Variants in PDE6A observed in about 807,000 individuals in gnomAD.
PDE6A encodes the protein rod cGMP-specific 3',5'-cyclic phosphodiesterase subunit alpha.
Under a neutral mutation model 106.3 loss-of-function variants are expected in PDE6A, and 84 were observed. The observed-to-expected ratio is 0.79, with a 90% confidence interval of 0.66 to 0.95. The LOEUF (loss-of-function observed/expected upper bound fraction) is 0.95, where lower values mean the gene tolerates loss of function less well. Ranked by LOEUF, PDE6A falls within the 40% of genes least tolerant of loss-of-function variation. The pLI is 0.00. For missense variants in PDE6A, 1,052 were observed against 1,084.9 expected (o/e 0.97, Z 0.43); for synonymous variants, 394 against 386.6 (o/e 1.02, Z -0.23).
intron 4 of PDE6A, among the ~76,000 whole-genome samples, chr5:149,927,775 G>C (rs1753903114): frequency 6.6e-6 from 1 of 151,530 alleles, no homozygotes; most frequent in South Asian, 2.1e-4. Flanking sequence ...GCTTGAATCA[G>C]AACAAAAATA....
chr5:149,935,265 A>T lies in PDE6A; in HGVS notation c.475-547T>A, dbSNP rs369629846. On this transcript the variant is annotated intron_variant, in intron 1 of 21. Transcript: ENST00000255266. Reference sequence around the variant, plus strand: ...GTAGATTGTGTAGACTGTGTGTGTGAGTGTGTGTGTGTGTGTGTATGTGTA... The same window carrying T: ...GTAGATTGTGTAGACTGTGTGTGTGTGTGTGTGTGTGTGTGTGTATGTGTA... Among the ~76,000 whole-genome samples, 7 of 149,858 alleles carry T rather than the reference A, an allele frequency of 4.7e-5. 2 individuals carry two copies. The highest frequency in any genetic ancestry group is 2.0e-4 in the East Asian group (1 of 5,048).
At chr5:149,928,232 T>TATA (rs1554091941) in intron 4 of PDE6A, among the ~76,000 whole-genome samples, 2 of 11,354 alleles carry the variant, frequency 1.8e-4, no homozygotes, top group African/African-American at 6.8e-4. Flanking sequence ...TATATATATA[T>TATA]TTTTTTTTTT....
intron 17 of PDE6A, among the ~76,000 whole-genome samples, chr5:149,868,802 T>A (rs1760428442): frequency 6.6e-6 from 1 of 152,186 alleles, no homozygotes; most frequent in African/African-American, 2.4e-5. Flanking sequence ...CTCTCCTACC[T>A]CAAGAATCAC....
chr5:149,887,316 T>C (rs1752350204), intron 13 of PDE6A, among the ~76,000 whole-genome samples: 1 of 152,172 alleles, frequency 6.6e-6, no homozygotes, highest in Admixed American at 6.5e-5. Context: ...GGACGAATAC[T>C]GTATGATTTC....
At chr5:149,872,736 G>A (rs1343588187) in intron 17 of PDE6A, among the ~76,000 whole-genome samples, 2 of 152,202 alleles carry the variant, frequency 1.3e-5, no homozygotes, top group Non-Finnish European at 2.9e-5. Flanking sequence ...GGGTGTGCAG[G>A]CAAGGGCTGG....
chr5:149,866,247 T>A lies in PDE6A; in HGVS notation c.2281A>T (p.Met761Leu). 1.2e-6 allele frequency: 2 copies of A among 1,611,974 alleles called. No individual in the cohort carries two copies. Among genetic ancestry groups the A allele is most frequent in the African/African-American group, 2.7e-5 (2 of 75,020 alleles). ...TVLQQNPIPM[M>L]DRNKADELPK... ...AGTTCATCTGCTTTGTTTCTGTCCA[T>A]CATGGGCTGTCATGGGGGAGAAAGA... The change falls in exon 20 of 22, where the codon ATG becomes TTG. Residue 761 changes from methionine (M) to leucine (L), a missense_variant. Physicochemically the swap from Met to Leu is conservative, Grantham distance 15. Around this residue, in one of 3 missense-constraint regions of PDE6A, gnomAD observed 135 missense variants for 153.2 expected, o/e 0.88. Coordinates refer to ENST00000255266, the MANE Select transcript of PDE6A (RefSeq NM_000440.3).
intron 18 of PDE6A, 111 bp from the exon 19 acceptor site, chr5:149,867,910 C>T (rs1760390658): frequency 8.5e-7 from 1 of 1,172,238 alleles, no homozygotes; most frequent in Non-Finnish European, 1.3e-6. Context: ...AAACCCATCC[C>T]TGCCCTGCCA....
intron 6 of PDE6A, among the ~76,000 whole-genome samples, chr5:149,908,710 A>AT (rs1424804665): frequency 6.6e-6 from 1 of 151,348 alleles, no homozygotes; most frequent in Non-Finnish European, 1.5e-5. Flanking sequence ...ACTTTTACTC[A>AT]TTTTTGTTCC....
At chr5:149,865,055 C>G (rs780322462) in intron 20 of PDE6A, among the ~76,000 whole-genome samples, 2 of 152,052 alleles carry the variant, frequency 1.3e-5, no homozygotes, top group African/African-American at 2.4e-5. Flanking sequence ...TCCTGGCCAA[C>G]AAGGCAAAAC....
intron 5 of PDE6A, among the ~76,000 whole-genome samples, chr5:149,919,505 C>G (rs1193417220): frequency 1.3e-5 from 2 of 152,168 alleles, no homozygotes; most frequent in African/African-American, 4.8e-5. Context: ...GACAGTCCAT[C>G]TCAAAAAAAG....
intron 3 of PDE6A, among the ~76,000 whole-genome samples, chr5:149,931,371 G>A (rs1293208325): frequency 6.8e-6 from 1 of 147,248 alleles, no homozygotes; most frequent in African/African-American, 2.5e-5. Context: ...TTTTTGCTTT[G>A]GTTGACAGTT....
intron 3 of PDE6A, chr5:149,932,365 G>A (rs1754059454): frequency 7.1e-7 from 1 of 1,410,118 alleles, no homozygotes; most frequent in Non-Finnish European, 1.0e-6. Context: ...AGAAAATCTA[G>A]TGGTCTTTCA....
chr5:149,905,982 T>C (rs1395774004), intron 7 of PDE6A, among the ~76,000 whole-genome samples: 1 of 151,854 alleles, frequency 6.6e-6, no homozygotes, highest in Non-Finnish European at 1.5e-5. Context: ...CTCAGCCTCT[T>C]GAGTAGCTGG....
At position 149,921,707 on chromosome 5, in the gene PDE6A, T is replaced by C; in HGVS notation, c.861A>G (p.Glu287=). The change falls in exon 5 of 22, where the codon GAA becomes GAG. Residue 287 remains glutamate (E), a splice_region_variant and synonymous_variant. Transcript: ENST00000255266. ...VGLLDMTKQK[E]FFDVWPVLMG... is the part of the protein sequence containing the mutation. ...TCAGAACCGGCCACACATCAAAAAATTCCTAGGAATGAGAAAAACAATAAT... is the reference window on the plus strand; with the variant it reads ...TCAGAACCGGCCACACATCAAAAAACTCCTAGGAATGAGAAAAACAATAAT... The C allele has an allele frequency of 6.2e-7, 1 of 1,612,964 alleles. No individual in the cohort carries two copies. The highest frequency in any genetic ancestry group is 8.5e-7 in the Non-Finnish European group (1 of 1,179,058).
chr5:149,884,239 G>GATATATGTGTAT (rs1208223986), intron 16 of PDE6A, among the ~76,000 whole-genome samples: 1 of 137,578 alleles, frequency 7.3e-6, no homozygotes, highest in African/African-American at 2.7e-5. Flanking sequence ...TATATGTGTA[G>GATATATGTGTAT]ATATATGTGT....
intron 4 of PDE6A, among the ~76,000 whole-genome samples, chr5:149,928,962 A>T (rs533141422): frequency 6.6e-6 from 1 of 152,238 alleles, no homozygotes; most frequent in Non-Finnish European, 1.5e-5. Context: ...CCACATGCTC[A>T]CCAGAATGGC....
rs578087908 is a variant in PDE6A at position 149,858,178 on chromosome 5, C to T, written c.*2717G>A. On this transcript the variant is annotated 3_prime_UTR_variant, in exon 22 of 22. Transcript: ENST00000255266. The stretch of plus-strand genomic sequence containing the variant: ...ATATTAATTAGCTTAATTATGGTAA[C>T]CATTTCACAATGTATATCAAAACAT... 4.6e-5 allele frequency: 7 copies of T among 152,092 alleles called. No individual in the cohort carries two copies. The highest frequency in any genetic ancestry group is 1.0e-4 in the Non-Finnish European group (7 of 68,012). The allele number at this position is 152,092 out of a possible 1,614,324, so 9.4% of individuals were successfully genotyped here. A position where few individuals can be genotyped will look rare whatever the true frequency, so the allele number is the denominator to read the frequency against.
At chr5:149,868,059 G>A in intron 18 of PDE6A, 36 bp downstream of exon 18, 1 of 1,600,312 alleles carries the variant, frequency 6.2e-7, no homozygotes, top group Non-Finnish European at 8.6e-7. Context: ...CCCAGTACTG[G>A]GATGCCCCTC....
intron 17 of PDE6A, among the ~76,000 whole-genome samples, chr5:149,875,552 C>T (rs947821030): frequency 2.0e-5 from 3 of 150,526 alleles, no homozygotes; most frequent in Non-Finnish European, 4.4e-5. Flanking sequence ...TGTAGTGGCA[C>T]CGTCAGGGCT....
Sources: allele counts gnomAD v4.1 joint callset (sites outside exome capture counted in the v4.1 genomes callset), GRCh38; gene constraint gnomAD v4.1.1; regional missense constraint gnomAD v4.1.1; transcripts MANE v1.5; gene names NCBI Gene and HGNC (gene_info 2026-07-23, HGNC 2026-07-21).